The following DGKI variants were observed in gnomAD, a reference collection of about 807,000 sequenced individuals.
DGKI encodes diacylglycerol kinase iota.
DGKI carries 55 observed loss-of-function variants against 147.5 expected under a neutral mutation model. That is an observed-to-expected ratio of 0.37 (90% CI 0.30 to 0.47). The LOEUF (loss-of-function observed/expected upper bound fraction) is 0.47, where lower values mean the gene tolerates loss of function less well. Among genes scored for constraint, DGKI ranks in the 20% least tolerant of loss-of-function variants. The probability of loss-of-function intolerance (pLI) is 1.00; values close to 1 mark genes in which losing one functional copy is unlikely to be tolerated. For synonymous variants in DGKI, 469 were observed against 477.1 expected, an observed-to-expected ratio of 0.98 and a Z score of 0.22; for missense variants, 1,007 against 1,323.8, an observed-to-expected ratio of 0.76 and a Z score of 3.71.
intron 1 of DGKI, among the ~76,000 whole-genome samples, chr7:137,715,563 T>C (rs1794350809): frequency 6.6e-6 from 1 of 152,202 alleles, no homozygotes; most frequent in Admixed American, 6.5e-5. Flanking sequence ...GGGTATTAAA[T>C]GGAGTCTTGT....
At chr7:137,426,715 C>A (rs533467327) in intron 28 of DGKI, among the ~76,000 whole-genome samples, 3 of 150,896 alleles carry the variant, frequency 2.0e-5, no homozygotes, top group African/African-American at 7.4e-5. Flanking sequence ...ATCTACCAAG[C>A]AAATGGAAAA....
chr7:137,628,088 C>T (rs1253912611), intron 6 of DGKI, among the ~76,000 whole-genome samples: 7 of 152,238 alleles, frequency 4.6e-5, no homozygotes, highest in Non-Finnish European at 8.8e-5. Context: ...ACCATCTCGC[C>T]GAGAAAGCTT....
chr7:137,412,276 G>T, intron 28 of DGKI, 69 bp from the exon 29 acceptor site: 1 of 1,472,284 alleles, frequency 6.8e-7, no homozygotes, highest in Non-Finnish European at 9.5e-7. Flanking sequence ...CACAAAGTTG[G>T]ATCCATATTT....
chr7:137,383,997 G>A lies in DGKI; in HGVS notation c.*7223C>T, dbSNP rs2128889776. On this transcript the variant is annotated 3_prime_UTR_variant, in exon 33 of 33. Transcript: ENST00000614521. ...TTCAAATATGCCGGAATTTCCCATA[G>A]GTGTATTAAACCTCTATGTATATGA... is the stretch of plus-strand genomic sequence containing the variant. 1 of 152,022 alleles carries A rather than the reference G, an allele frequency of 6.6e-6. No homozygotes were observed. Among genetic ancestry groups the A allele is most frequent in the African/African-American group, 2.4e-5 (1 of 41,506 alleles). 9.4% of individuals were successfully genotyped at this position (152,022 alleles called of 1,614,324 possible).
In DGKI at chr7:137,547,666, T is replaced by C. The variant is rs115351671; in HGVS notation, c.2147+4703A>G. Among the ~76,000 whole-genome samples the C allele has an allele frequency of 6.4e-3, 979 of 152,326 alleles. 7 individuals are homozygous for C. The highest frequency in any genetic ancestry group is 0.022 in the African/African-American group (915 of 41,568). ...CAAGATGTGACTGTCTCAGGAGCTA[T>C]GACAGACACTGAGGATCCTAAGAGG... is the stretch of plus-strand genomic sequence containing the variant. On this transcript the variant is annotated intron_variant, in intron 20 of 32. Coordinates refer to ENST00000614521, the MANE Select transcript of DGKI (RefSeq NM_001321708.2).
At chr7:137,653,935 T>C (rs569420493) in intron 5 of DGKI, among the ~76,000 whole-genome samples, 2 of 152,344 alleles carry the variant, frequency 1.3e-5, no homozygotes, top group East Asian at 1.9e-4. Flanking sequence ...TTTGTTTCAC[T>C]GATTAGGGAG....
intron 23 of DGKI, among the ~76,000 whole-genome samples, chr7:137,477,777 T>C (rs1467251692): frequency 2.0e-5 from 3 of 152,096 alleles, no homozygotes; most frequent in Non-Finnish European, 2.9e-5. Flanking sequence ...CCACCTCAGC[T>C]GCCCAAGTAG....
intron 31 of DGKI, 52 bp downstream of exon 31, chr7:137,397,325 G>A (rs912439546): frequency 6.5e-7 from 1 of 1,532,750 alleles, no homozygotes; most frequent in Non-Finnish European, 9.0e-7. Context: ...TCTTCTCCCA[G>A]ATATGTTCTG....
intron 3 of DGKI, among the ~76,000 whole-genome samples, chr7:137,659,997 T>G (rs1822367997): frequency 6.6e-6 from 1 of 152,228 alleles, no homozygotes; most frequent in South Asian, 2.1e-4. Context: ...TTATAGAACC[T>G]AGCACAAAAA....
chr7:137,556,529 A>G (rs1818230021), intron 19 of DGKI, among the ~76,000 whole-genome samples: 1 of 152,188 alleles, frequency 6.6e-6, no homozygotes, highest in East Asian at 1.9e-4. Flanking sequence ...GTTGAATTAA[A>G]AAACCAATAG....
intron 1 of DGKI, among the ~76,000 whole-genome samples, chr7:137,741,589 G>A (rs1470285274): frequency 6.6e-6 from 1 of 152,174 alleles, no homozygotes; most frequent in South Asian, 2.1e-4. Flanking sequence ...TGCTCTAAGA[G>A]CATCTGTGTC....
At chr7:137,393,984 A>C (rs561334499) in intron 32 of DGKI, among the ~76,000 whole-genome samples, 1 of 152,328 alleles carries the variant, frequency 6.6e-6, no homozygotes, top group Admixed American at 6.5e-5. Context: ...TTAGGCTTCT[A>C]AGTAATCTAT....
intron 1 of DGKI, among the ~76,000 whole-genome samples, chr7:137,733,227 T>A (rs1467751114): frequency 2.0e-5 from 3 of 152,074 alleles, no homozygotes; most frequent in Non-Finnish European, 4.4e-5. Context: ...CTGCAGTCAC[T>A]AAACAATAAC....
At chr7:137,658,120 T>C (rs890873499) in intron 3 of DGKI, among the ~76,000 whole-genome samples, 2 of 152,120 alleles carry the variant, frequency 1.3e-5, no homozygotes, top group African/African-American at 2.4e-5. Context: ...AACCAAAGCA[T>C]CTAGCTACAC....
At chr7:137,835,705 A>G (rs1411182876) in intron 1 of DGKI, among the ~76,000 whole-genome samples, 2 of 152,200 alleles carry the variant, frequency 1.3e-5, no homozygotes, top group African/African-American at 4.8e-5. Context: ...TGTCAATGCA[A>G]TATGGATTTA....
At chr7:137,470,120 C>T (rs73730628) in intron 23 of DGKI, among the ~76,000 whole-genome samples, 15,856 of 152,188 alleles carry the variant, frequency 0.1, 2,227 homozygotes, top group African/African-American at 0.31. Context: ...ACCTCGCATA[C>T]TGAGGTCATC....
chr7:137,683,520 A>G (rs970275708), intron 2 of DGKI, among the ~76,000 whole-genome samples: 1 of 152,102 alleles, frequency 6.6e-6, no homozygotes, highest in African/African-American at 2.4e-5. Context: ...CATTACAGGC[A>G]TATGCCAACA....
At chr7:137,755,796 CA>C (rs534193620) in intron 1 of DGKI, among the ~76,000 whole-genome samples, 3 of 148,324 alleles carry the variant, frequency 2.0e-5, no homozygotes, top group Non-Finnish European at 3.0e-5. Context: ...ACTGCAATTG[CA>C]AAAAAAAATA....
intron 20 of DGKI, among the ~76,000 whole-genome samples, chr7:137,534,209 C>T (rs1207058515): frequency 1.3e-5 from 2 of 152,046 alleles, no homozygotes; most frequent in African/African-American, 2.4e-5. Context: ...GTTGATATGT[C>T]AGAGGATAAT....
Sources: gnomAD v4.1 joint callset for allele counts (sites outside exome capture counted in the v4.1 genomes callset) on GRCh38, gnomAD v4.1.1 for gene constraint, MANE v1.5 for transcripts, NCBI Gene and HGNC (gene_info 2026-07-23, HGNC 2026-07-21) for gene names.